SHANK2: variants seen among roughly 807,000 people sequenced by gnomAD.
SHANK2 encodes SH3 and multiple ankyrin repeat domains protein 2.
SHANK2 carries 43 observed loss-of-function variants against 133.7 expected under a neutral mutation model. The observed-to-expected ratio is 0.32, with a 90% CI of 0.25 to 0.41. SHANK2 has a LOEUF of 0.41. Ranked by LOEUF, SHANK2 falls within the 10% of genes least tolerant of loss-of-function variation. The pLI, the probability that SHANK2 is intolerant of heterozygous loss-of-function variation, is 1.00. For synonymous variants in SHANK2, 1,017 were observed against 952.8 expected (o/e 1.07, Z -1.24); for missense variants, 1,994 against 2,235.8 (o/e 0.89, Z 2.18).
intron 3 of SHANK2, among the ~76,000 whole-genome samples, chr11:71,142,519 A>G (rs1478282608): frequency 6.6e-6 from 1 of 152,100 alleles, no homozygotes; most frequent in Non-Finnish European, 1.5e-5. Context: ...CAAACAAACA[A>G]ACAAAAAAAA....
intron 14 of SHANK2, among the ~76,000 whole-genome samples, chr11:70,768,137 C>A (rs184386043): frequency 3.1e-4 from 47 of 152,292 alleles, no homozygotes; most frequent in African/African-American, 1.1e-3. Context: ...AGCTGCACAT[C>A]CTGGGGCCAG....
intron 2 of SHANK2, among the ~76,000 whole-genome samples, chr11:71,211,623 A>G (rs139419163): frequency 2.0e-3 from 302 of 148,280 alleles, no homozygotes; most frequent in African/African-American, 7.3e-3. Context: ...TATCACCACA[A>G]TCCATTTTTG....
intron 13 of SHANK2, among the ~76,000 whole-genome samples, chr11:70,803,760 G>C (rs1451990445): frequency 6.6e-6 from 1 of 151,598 alleles, no homozygotes; most frequent in African/African-American, 2.4e-5. Context: ...ATCGGGAGTG[G>C]AGGGAAGAAT....
intron 3 of SHANK2, among the ~76,000 whole-genome samples, chr11:71,133,167 T>C (rs1952353327): frequency 8.1e-6 from 1 of 122,856 alleles, no homozygotes; most frequent in Non-Finnish European, 1.7e-5. Flanking sequence ...AGGGGTGAGG[T>C]GGGTAGGAGG....
chr11:70,510,735 A>G (rs1325114633), intron 17 of SHANK2, among the ~76,000 whole-genome samples: 2 of 152,176 alleles, frequency 1.3e-5, no homozygotes, highest in Non-Finnish European at 2.9e-5. Context: ...GAGTCATAGC[A>G]CAGTGAGTCC....
intron 17 of SHANK2, among the ~76,000 whole-genome samples, chr11:70,644,538 G>T: frequency 6.6e-6 from 1 of 152,238 alleles, no homozygotes. Context: ...GACAGGAACT[G>T]AGGGGGCCCC....
intron 11 of SHANK2, chr11:70,863,593 G>A (rs782337490): frequency 1.5e-5 from 7 of 453,684 alleles, no homozygotes; most frequent in Non-Finnish European, 2.2e-5. Flanking sequence ...AACTCAGGCT[G>A]GTGCAAACGG....
In SHANK2 at chr11:70,552,390, A is replaced by AT. The variant is rs1200681112; in HGVS notation, c.2062-49460dup. ...ACACTCGTGCACCAAGCTCAGGGAGATTTATAGCTCAATTTAGTTCCTGTA... is the reference window on the plus strand; with the variant it reads ...ACACTCGTGCACCAAGCTCAGGGAGATTTTATAGCTCAATTTAGTTCCTGTA... On this transcript the variant is annotated intron_variant, in intron 17 of 25. Transcript: ENST00000601538. 2.0e-5 allele frequency among the ~76,000 whole-genome samples: 3 copies of AT among 152,040 alleles called. No individual in the cohort carries two copies. In the East Asian group the frequency reaches 5.8e-4, roughly 29 times the overall value.
At chr11:70,789,178 T>C (rs1325077722) in intron 14 of SHANK2, among the ~76,000 whole-genome samples, 1 of 152,088 alleles carries the variant, frequency 6.6e-6, no homozygotes, top group African/African-American at 2.4e-5. Flanking sequence ...TTCCCAGACA[T>C]ACACAACACG....
chr11:70,601,438 T>C (rs1554991065), intron 17 of SHANK2, among the ~76,000 whole-genome samples: 1 of 152,088 alleles, frequency 6.6e-6, no homozygotes, highest in Non-Finnish European at 1.5e-5. Flanking sequence ...CAGGATGGTC[T>C]TATCTCTTGA....
intron 15 of SHANK2, among the ~76,000 whole-genome samples, chr11:70,673,615 T>C (rs1417619905): frequency 6.6e-6 from 1 of 152,210 alleles, no homozygotes; most frequent in Non-Finnish European, 1.5e-5. Flanking sequence ...CTGGGCTTTG[T>C]AGGGAAGGCT....
intron 17 of SHANK2, among the ~76,000 whole-genome samples, chr11:70,619,284 G>C (rs1367587024): frequency 2.0e-5 from 3 of 152,256 alleles, no homozygotes; most frequent in Non-Finnish European, 2.9e-5. Context: ...AGGAGGCTGA[G>C]AGAGCGGCGT....
intron 2 of SHANK2, among the ~76,000 whole-genome samples, chr11:71,180,915 G>A (rs1196839824): frequency 6.6e-6 from 1 of 152,018 alleles, no homozygotes; most frequent in African/African-American, 2.4e-5. Flanking sequence ...CCGTCCGGCT[G>A]TCTAGTGTAT....
chr11:70,933,036 C>G, intron 10 of SHANK2: 1 of 428,780 alleles, frequency 2.3e-6, no homozygotes, highest in Non-Finnish European at 4.7e-6. Context: ...AGAATTCAAC[C>G]CAGAGACTCC....
chr11:70,616,270 T>C (rs1210197304), intron 17 of SHANK2, among the ~76,000 whole-genome samples: 1 of 151,428 alleles, frequency 6.6e-6, no homozygotes, highest in Non-Finnish European at 1.5e-5. Flanking sequence ...CCCCGAGAAG[T>C]CTCAATGAGC....
At chr11:71,192,398 A>G (rs930857576) in intron 2 of SHANK2, among the ~76,000 whole-genome samples, 1 of 152,126 alleles carries the variant, frequency 6.6e-6, no homozygotes, top group African/African-American at 2.4e-5. Flanking sequence ...TGACTATGAG[A>G]GCCCATTGAC....
At chr11:70,497,798 C>T (rs2058993111) in intron 21 of SHANK2, among the ~76,000 whole-genome samples, 1 of 152,240 alleles carries the variant, frequency 6.6e-6, no homozygotes, top group African/African-American at 2.4e-5. Flanking sequence ...ACCCCAGCGT[C>T]CATGCCGAGG....
chr11:70,730,185 C>CTGCTATTTGG (rs1555031787), intron 14 of SHANK2, among the ~76,000 whole-genome samples: 1 of 139,078 alleles, frequency 7.2e-6, no homozygotes, highest in Non-Finnish European at 1.6e-5. Context: ...CATGAGGCCC[C>CTGCTATTTGG]AGGAGCTGGC....
intron 17 of SHANK2, among the ~76,000 whole-genome samples, chr11:70,512,652 A>G (rs968394467): frequency 6.6e-6 from 1 of 152,202 alleles, no homozygotes; most frequent in South Asian, 2.1e-4. Flanking sequence ...CTGAAGAAAT[A>G]TTTCCTGAAG....
Sources: allele counts gnomAD v4.1 joint callset (sites outside exome capture counted in the v4.1 genomes callset), GRCh38; gene constraint gnomAD v4.1.1; transcripts MANE v1.5; gene names NCBI Gene and HGNC (gene_info 2026-07-23, HGNC 2026-07-21).